The following MDGA2 variants were observed in gnomAD, a reference collection of about 807,000 sequenced individuals.
MDGA2 encodes MAM domain-containing glycosylphosphatidylinositol anchor protein 2.
In MDGA2, 40 loss-of-function variants were observed where a neutral mutation model predicts 117.8. The ratio of observed to expected loss-of-function variants is 0.34; its 90% confidence interval spans 0.26 to 0.44. The LOEUF (loss-of-function observed/expected upper bound fraction) is 0.44, where lower values mean the gene tolerates loss of function less well. Among genes scored for constraint, MDGA2 ranks in the 20% least tolerant of loss-of-function variants. The pLI is 1.00. For missense variants in MDGA2, 1,123 were observed against 1,250.6 expected (o/e 0.90, Z 1.54); for synonymous variants, 452 against 439.0 (o/e 1.03, Z -0.37).
intron 7 of MDGA2, among the ~76,000 whole-genome samples, chr14:47,057,796 C>T (rs941835267): frequency 2.0e-5 from 3 of 151,754 alleles, no homozygotes; most frequent in African/African-American, 7.3e-5. Context: ...GGTCTGTCAA[C>T]CAGGTTGAAG....
chr14:47,300,231 T>C (rs1319456544), intron 2 of MDGA2, among the ~76,000 whole-genome samples: 1 of 152,212 alleles, frequency 6.6e-6, no homozygotes, highest in Non-Finnish European at 1.5e-5. Flanking sequence ...ATTTCTTTTT[T>C]CCTGTAACAC....
chr14:46,990,904 C>T (rs1457496394), intron 8 of MDGA2, among the ~76,000 whole-genome samples: 1 of 131,252 alleles, frequency 7.6e-6, no homozygotes, highest in Non-Finnish European at 1.7e-5. Context: ...ACACACACCC[C>T]GCGTAAGACA....
intron 4 of MDGA2, among the ~76,000 whole-genome samples, chr14:47,143,471 C>G (rs1352163047): frequency 6.6e-6 from 1 of 152,094 alleles, no homozygotes; most frequent in Non-Finnish European, 1.5e-5. Context: ...ATTCCTTACT[C>G]TTTGTGTATT....
In MDGA2 at chr14:47,451,733, C is replaced by A. The variant is rs578237082; in HGVS notation, c.281-150183G>T. On this transcript the variant is annotated intron_variant, in intron 1 of 16. Coordinates refer to ENST00000399232, the MANE Select transcript of MDGA2 (RefSeq NM_001113498.3). The stretch of plus-strand genomic sequence containing the variant: ...CTGTTCAATATAATGAGATTTCTGT[C>A]CTGCCCAGTGGATTTTTTTATCCTC... Among the ~76,000 whole-genome samples the A allele has an allele frequency of 2.2e-4, 34 of 152,160 alleles. No individual in the cohort carries two copies. The East Asian group carries it at 5.4e-3, about 24-fold the overall frequency.
At chr14:46,937,295 T>TAA (rs3038618) in intron 9 of MDGA2, among the ~76,000 whole-genome samples, 80,562 of 148,146 alleles carry the variant, frequency 0.54, 22,289 homozygotes, top group South Asian at 0.59. Flanking sequence ...AAATACTGGT[T>TAA]AAAAAAAATT....
chr14:47,672,603 T>TCA (rs1179300542), intron 1 of MDGA2, among the ~76,000 whole-genome samples: 2 of 151,946 alleles, frequency 1.3e-5, no homozygotes, highest in Non-Finnish European at 2.9e-5. Flanking sequence ...CATCACCCCA[T>TCA]CACACACACA....
chr14:47,252,106 G>A (rs763454342), intron 2 of MDGA2, among the ~76,000 whole-genome samples: 9 of 151,882 alleles, frequency 5.9e-5, no homozygotes, highest in Admixed American at 3.3e-4. Context: ...TTGTAAGATG[G>A]TAAAATAGTG....
intron 1 of MDGA2, among the ~76,000 whole-genome samples, chr14:47,487,009 T>C (rs1220240823): frequency 1.3e-5 from 2 of 152,236 alleles, no homozygotes; most frequent in African/African-American, 4.8e-5. Flanking sequence ...AGATAGTTTA[T>C]GCATTTATTA....
intron 10 of MDGA2, among the ~76,000 whole-genome samples, chr14:46,885,515 A>G (rs1457755744): frequency 2.6e-5 from 4 of 152,146 alleles, no homozygotes; most frequent in Non-Finnish European, 5.9e-5. Flanking sequence ...TAAAACCACA[A>G]CTTTATTTTC....
chr14:47,286,824 T>TATATATATATAC (rs1491236673), intron 2 of MDGA2, among the ~76,000 whole-genome samples: 18 of 104,242 alleles, frequency 1.7e-4, no homozygotes, highest in African/African-American at 5.4e-4. Flanking sequence ...TATATATATA[T>TATATATATATAC]ACATATATAT....
chr14:46,857,523 T>A (rs1431077409), intron 14 of MDGA2, among the ~76,000 whole-genome samples: 3 of 14,088 alleles, frequency 2.1e-4, no homozygotes, highest in African/African-American at 7.6e-4. Context: ...CTTTAGAGAA[T>A]TTCCCTTTGG....
chr14:47,443,111 C>A (rs1051636670), intron 1 of MDGA2, among the ~76,000 whole-genome samples: 29 of 152,208 alleles, frequency 1.9e-4, no homozygotes, highest in African/African-American at 6.3e-4. Context: ...ACGTTCTCAA[C>A]TTAAGGAAAG....
chr14:47,582,342 T>C (rs1314716583), intron 1 of MDGA2, among the ~76,000 whole-genome samples: 6 of 151,868 alleles, frequency 4.0e-5, no homozygotes, highest in Non-Finnish European at 8.8e-5. Flanking sequence ...ACAGCAAAGA[T>C]GGAATCACAA....
intron 1 of MDGA2, among the ~76,000 whole-genome samples, chr14:47,631,537 G>A (rs1262492328): frequency 1.3e-5 from 2 of 152,150 alleles, no homozygotes; most frequent in African/African-American, 2.4e-5. Context: ...TATCCGTAAC[G>A]GATGACAATA....
intron 1 of MDGA2, among the ~76,000 whole-genome samples, chr14:47,659,282 T>C (rs1031299283): frequency 2.0e-5 from 3 of 152,214 alleles, no homozygotes; most frequent in Non-Finnish European, 2.9e-5. Context: ...ATTTGCTTTA[T>C]AAATAACTTT....
At chr14:47,101,067 T>C (rs1880279012) in intron 5 of MDGA2, among the ~76,000 whole-genome samples, 1 of 146,450 alleles carries the variant, frequency 6.8e-6, no homozygotes, top group Non-Finnish European at 1.5e-5. Context: ...ACTTGATGAA[T>C]GGAGGGACGA....
At chr14:47,614,894 A>C (rs1896921508) in intron 1 of MDGA2, among the ~76,000 whole-genome samples, 1 of 152,174 alleles carries the variant, frequency 6.6e-6, no homozygotes, top group African/African-American at 2.4e-5. Context: ...GATTTTTAGA[A>C]TATTGTATCT....
chr14:47,632,478 AATGGTAGTC>A (rs1457858979), intron 1 of MDGA2, among the ~76,000 whole-genome samples: 2 of 152,178 alleles, frequency 1.3e-5, no homozygotes, highest in African/African-American at 4.8e-5. Context: ...CCAATACACA[AATGGTAGTC>A]ATGAGAAACA....
chr14:47,561,147 T>G (rs1423206840), intron 1 of MDGA2, among the ~76,000 whole-genome samples: 1 of 88,318 alleles, frequency 1.1e-5, no homozygotes, highest in African/African-American at 3.5e-5. Flanking sequence ...CTTTGTTTTT[T>G]TTTTTGTTTT....
Sources: gnomAD v4.1 joint callset for allele counts (sites outside exome capture counted in the v4.1 genomes callset) on GRCh38, gnomAD v4.1.1 for gene constraint, MANE v1.5 for transcripts, NCBI Gene and HGNC (gene_info 2026-07-23, HGNC 2026-07-21) for gene names.